The following PCDHA6 variants were observed in gnomAD, a reference collection of about 807,000 sequenced individuals.
The protein encoded by PCDHA6 is protocadherin alpha-6.
Under a neutral mutation model 60.3 loss-of-function variants are expected in PCDHA6, and 55 were observed. That is an observed-to-expected ratio of 0.91 (90% CI 0.73 to 1.14). The LOEUF (loss-of-function observed/expected upper bound fraction) is 1.14. Ranked by LOEUF, PCDHA6 falls within the 50% of genes most tolerant of loss-of-function variation. The probability of loss-of-function intolerance (pLI) is 0.00; values close to 1 mark genes in which losing one functional copy is unlikely to be tolerated. For synonymous variants in PCDHA6, 652 were observed against 557.9 expected (o/e 1.17, Z -2.38); for missense variants, 1,327 against 1,256.5 (o/e 1.06, Z -0.85).
At chr5:140,832,321 C>T (rs1475478969) in intron 1 of PCDHA6, among the ~76,000 whole-genome samples, 2 of 152,258 alleles carry the variant, frequency 1.3e-5, no homozygotes, top group Middle Eastern at 3.4e-3. Flanking sequence ...GCTTAAGGGC[C>T]ATTAGAGGAC....
intron 1 of PCDHA6, among the ~76,000 whole-genome samples, chr5:140,970,553 C>T (rs1349644785): frequency 5.9e-5 from 9 of 152,122 alleles, no homozygotes; most frequent in South Asian, 2.1e-4. Flanking sequence ...GTTGTGTGTT[C>T]GTCTCCATAT....
rs2150160610 is a variant in PCDHA6 at position 140,828,909 on chromosome 5, C to A, written c.818C>A (p.Ala273Glu). 4 of 1,614,190 alleles carry A rather than the reference C, an allele frequency of 2.5e-6. No homozygotes were observed. The highest frequency in any genetic ancestry group is 1.1e-5 in the South Asian group (1 of 91,076). ...RLNASDRDEGANGAISYSFNS... is the reference protein window; with the variant it reads ...RLNASDRDEGENGAISYSFNS... ...AATGCTTCTGATCGGGATGAAGGAG[C>A]GAATGGGGCAATTTCATATTCTTTT... Residue 273 changes from alanine (A) to glutamate (E), a missense_variant, in exon 1 of 4, where the codon GCG becomes GAG. By Grantham distance (107) the Ala-to-Glu change is moderately radical (BLOSUM62 -1). Transcript: ENST00000529310.
intron 1 of PCDHA6, chr5:140,967,709 G>T: frequency 6.2e-7 from 1 of 1,614,140 alleles, no homozygotes; most frequent in Non-Finnish European, 8.5e-7. Context: ...TGCCAGTACC[G>T]GGGAAGTGCG....
chr5:140,985,739 C>CTTTTT (rs11372071), intron 3 of PCDHA6, among the ~76,000 whole-genome samples: 4 of 117,922 alleles, frequency 3.4e-5, no homozygotes, highest in East Asian at 2.5e-4. Flanking sequence ...TGATGAATTC[C>CTTTTT]TTTTTTTTTT....
At chr5:140,835,778 G>A in intron 1 of PCDHA6, 1 of 1,613,340 alleles carries the variant, frequency 6.2e-7, no homozygotes, top group Non-Finnish European at 8.5e-7. Flanking sequence ...TGTTCGTGAA[G>A]GAGAACAACC....
rs1554131158 is a variant in PCDHA6 at position 140,828,274 on chromosome 5, G to A, written c.183G>A (p.Pro61=). The A allele has an allele frequency of 2.5e-6, 4 of 1,613,956 alleles. No individual in the cohort carries two copies. The highest frequency in any genetic ancestry group is 1.3e-5 in the African/African-American group (1 of 74,946). ...GGCTGGAGCTGGCGGAGCTGGTGCCGCGCCTGTTCAGGATGGCCTCCAAAG... is the reference window on the plus strand; with the variant it reads ...GGCTGGAGCTGGCGGAGCTGGTGCCACGCCTGTTCAGGATGGCCTCCAAAG... The part of the protein sequence containing the change: ...DLGLELAELV[P]RLFRMASKDR... Residue 61 remains proline, a synonymous_variant, in exon 1 of 4, where the codon CCG becomes CCA. Coordinates refer to ENST00000529310, the MANE Select transcript of PCDHA6 (RefSeq NM_018909.4).
At chr5:140,968,907 C>G in intron 1 of PCDHA6, 1 of 1,614,180 alleles carries the variant, frequency 6.2e-7, no homozygotes. Context: ...GCATTAAGCA[C>G]AGTGTCTTTT....
rs1359301062 is a variant in PCDHA6, at chr5:140,827,981, T to G, written c.-111T>G. 4 of 1,422,902 alleles carry G rather than the reference T, an allele frequency of 2.8e-6. No homozygotes were observed. The highest frequency in any genetic ancestry group is 3.8e-6 in the Non-Finnish European group (4 of 1,051,982). The allele number at this position is 1,422,902 out of a possible 1,614,324, so 88.1% of individuals were successfully genotyped here. A position where few individuals can be genotyped will look rare whatever the true frequency, so the allele number is the denominator to read the frequency against. On this transcript the variant is annotated 5_prime_UTR_variant, in exon 1 of 4. Coordinates refer to ENST00000529310, the MANE Select transcript of PCDHA6 (RefSeq NM_018909.4). Reference sequence around the variant, plus strand: ...TTCTATTACTGCATCATTCCCTGACTGTTGAATGATGGCGGACGCAGAAGA... The same window carrying G: ...TTCTATTACTGCATCATTCCCTGACGGTTGAATGATGGCGGACGCAGAAGA...
intron 1 of PCDHA6, among the ~76,000 whole-genome samples, chr5:140,895,632 A>T (rs2065081182): frequency 6.6e-6 from 1 of 152,052 alleles, no homozygotes; most frequent in South Asian, 2.1e-4. Context: ...GTCTTTTCAC[A>T]TTCTTTTTTA....
At chr5:140,969,235 A>G (rs781795606) in intron 1 of PCDHA6, 2 of 1,614,206 alleles carry the variant, frequency 1.2e-6, no homozygotes, top group Non-Finnish European at 1.7e-6. Flanking sequence ...CGGGAGCCCA[A>G]GCAGCAGTGA....
intron 1 of PCDHA6, among the ~76,000 whole-genome samples, chr5:140,971,595 A>G (rs1228003229): frequency 6.6e-6 from 1 of 152,110 alleles, no homozygotes; most frequent in African/African-American, 2.4e-5. Flanking sequence ...CCTAGTTACT[A>G]CAGATGGCAG....
intron 1 of PCDHA6, among the ~76,000 whole-genome samples, chr5:140,925,950 A>G (rs2082820493): frequency 6.6e-6 from 1 of 152,030 alleles, no homozygotes. Flanking sequence ...GGAGAAGGAG[A>G]AACTGCTATC....
At chr5:140,855,343 C>A (rs2043435489) in intron 1 of PCDHA6, among the ~76,000 whole-genome samples, 1 of 149,746 alleles carries the variant, frequency 6.7e-6, no homozygotes, top group African/African-American at 2.5e-5. Context: ...ACGATTTTCC[C>A]AAGTCATGTG....
chr5:140,832,599 G>A (rs1554133577), intron 1 of PCDHA6, among the ~76,000 whole-genome samples: 2 of 152,148 alleles, frequency 1.3e-5, no homozygotes, highest in Non-Finnish European at 2.9e-5. Context: ...GAACTATAGC[G>A]TTGCTAGTGA....
intron 1 of PCDHA6, among the ~76,000 whole-genome samples, chr5:140,886,080 C>A (rs910230815): frequency 3.7e-4 from 56 of 152,268 alleles, no homozygotes; most frequent in African/African-American, 1.2e-3. Flanking sequence ...CATACCACAA[C>A]CTGGATATTG....
intron 1 of PCDHA6, chr5:140,867,574 C>T (rs1581813828): frequency 6.6e-6 from 1 of 152,044 alleles, no homozygotes; most frequent in East Asian, 1.9e-4. Context: ...TTCATATGCC[C>T]TTGCAGTATT....
At chr5:140,847,063 C>T (rs1366357065) in intron 1 of PCDHA6, among the ~76,000 whole-genome samples, 2 of 149,510 alleles carry the variant, frequency 1.3e-5, no homozygotes, top group Non-Finnish European at 3.0e-5. Flanking sequence ...CAGAAAGCAT[C>T]AATATGACAA....
At chr5:141,005,633 C>T (rs1292206901) in intron 3 of PCDHA6, among the ~76,000 whole-genome samples, 2 of 126,368 alleles carry the variant, frequency 1.6e-5, no homozygotes. Context: ...ACCCGGGAGG[C>T]GGAGCTTGCA....
chr5:141,011,890 A>G lies in PCDHA6; in HGVS notation c.*1953A>G, dbSNP rs7701616. 0.061 allele frequency: 9,307 copies of G among 153,488 alleles called. 355 individuals carry two copies. The highest frequency in any genetic ancestry group is 0.11 in the South Asian group (541 of 4,828). The allele number at this position is 153,488 out of a possible 1,614,324, so 9.5% of individuals were successfully genotyped here. On this transcript the variant is annotated 3_prime_UTR_variant, in exon 4 of 4. Coordinates refer to ENST00000529310, the MANE Select transcript of PCDHA6 (RefSeq NM_018909.4). ...GTACAATTTAGAAGTTTGATTAATT[A>G]TATTATCTATTTAGGCATTAATATA... is the stretch of plus-strand genomic sequence containing the variant.
Sources: allele counts gnomAD v4.1 joint callset (sites outside exome capture counted in the v4.1 genomes callset), GRCh38; gene constraint gnomAD v4.1.1; transcripts MANE v1.5; gene names NCBI Gene and HGNC (gene_info 2026-07-23, HGNC 2026-07-21).